PPP2R2B: variants seen among roughly 807,000 people sequenced by gnomAD.
The protein encoded by PPP2R2B is serine/threonine-protein phosphatase 2A 55 kDa regulatory subunit B beta isoform.
A neutral mutation model predicts 46.0 loss-of-function variants in PPP2R2B; 5 were observed. That is an observed-to-expected ratio of 0.11 (90% CI 0.06 to 0.23). The LOEUF is 0.23. PPP2R2B is among the 10% of genes least tolerant of loss of function. The pLI, the probability that PPP2R2B is intolerant of heterozygous loss-of-function variation, is 1.00. For missense variants in PPP2R2B, 367 were observed against 575.0 expected, an observed-to-expected ratio of 0.64 and a Z score of 3.70; for synonymous variants, 215 against 206.7, an observed-to-expected ratio of 1.04 and a Z score of -0.34.
At chr5:147,006,272 A>G (rs4705457) in intron 1 of PPP2R2B, among the ~76,000 whole-genome samples, 72,928 of 152,018 alleles carry the variant, frequency 0.48, 18,936 homozygotes, top group Middle Eastern at 0.61. Flanking sequence ...CATTCAGCCA[A>G]ATCTTAAAGT....
intron 2 of PPP2R2B, chr5:146,707,284 C>G: frequency 1.3e-6 from 2 of 1,558,186 alleles, no homozygotes; most frequent in South Asian, 1.1e-5. Flanking sequence ...CTCCAGGAAC[C>G]GTACCTTGTC....
At chr5:146,667,233 A>G (rs1421168293) in intron 5 of PPP2R2B, among the ~76,000 whole-genome samples, 2 of 152,106 alleles carry the variant, frequency 1.3e-5, no homozygotes, top group African/African-American at 4.8e-5. Context: ...TAGTGATTCT[A>G]GAAAATAAAT....
rs181068062 is a variant in PPP2R2B at position 146,998,405 on chromosome 5, A to G, written c.79+57260T>C. Among the ~76,000 whole-genome samples the G allele has an allele frequency of 9.3e-4, 141 of 152,316 alleles. 1 individual carries two copies. The highest frequency in any genetic ancestry group is 3.1e-3 in the African/African-American group (129 of 41,576). On this transcript the variant is annotated intron_variant, in intron 1 of 8. Coordinates refer to the PPP2R2B transcript ENST00000336640. ...TTGAGTCGGACAATCTGGGAAGCCT[A>G]TGAAATTGCCAGCCCAGGAAGTGGG...
At chr5:146,716,897 T>C (rs1300933597) in intron 2 of PPP2R2B, among the ~76,000 whole-genome samples, 1 of 152,196 alleles carries the variant, frequency 6.6e-6, no homozygotes, top group East Asian at 1.9e-4. Flanking sequence ...GTGTTATCTG[T>C]TTAACTAGAT....
intron 1 of PPP2R2B, among the ~76,000 whole-genome samples, chr5:146,987,980 C>G (rs1753507605): frequency 6.6e-6 from 1 of 151,776 alleles, no homozygotes; most frequent in Non-Finnish European, 1.5e-5. Flanking sequence ...ATACTTATAT[C>G]AGATAAAATA....
chr5:146,965,862 G>A (rs752873730), intron 1 of PPP2R2B, among the ~76,000 whole-genome samples: 3 of 152,182 alleles, frequency 2.0e-5, no homozygotes, highest in African/African-American at 4.8e-5. Flanking sequence ...TTACTTACCA[G>A]CTGTGCATCC....
intron 1 of PPP2R2B, among the ~76,000 whole-genome samples, chr5:146,904,372 G>A (rs1293841074): frequency 6.6e-6 from 1 of 152,152 alleles, no homozygotes; most frequent in Non-Finnish European, 1.5e-5. Context: ...TGACCAAGTG[G>A]CAGAAAGTAG....
intron 5 of PPP2R2B, among the ~76,000 whole-genome samples, chr5:146,659,655 C>A (rs1776560818): frequency 6.6e-6 from 1 of 152,162 alleles, no homozygotes; most frequent in Non-Finnish European, 1.5e-5. Flanking sequence ...GTTATTGAAT[C>A]TTCACAATGG....
chr5:146,852,541 C>T (rs1188565007), intron 2 of PPP2R2B, among the ~76,000 whole-genome samples: 1 of 152,136 alleles, frequency 6.6e-6, no homozygotes, highest in East Asian at 1.9e-4. Flanking sequence ...TAGAATCGAA[C>T]TATGATGCAG....
At chr5:146,718,823 G>T (rs1008547297) in intron 2 of PPP2R2B, among the ~76,000 whole-genome samples, 1 of 152,180 alleles carries the variant, frequency 6.6e-6, no homozygotes, top group African/African-American at 2.4e-5. Flanking sequence ...CCTGAGAAGG[G>T]ATTTCTGGAT....
At chr5:147,000,409 C>G (rs1754116951) in intron 1 of PPP2R2B, among the ~76,000 whole-genome samples, 1 of 152,134 alleles carries the variant, frequency 6.6e-6, no homozygotes, top group South Asian at 2.1e-4. Context: ...CGGAGCCAAG[C>G]TCCCTTGTTC....
chr5:146,949,397 A>G (rs1026675941), intron 1 of PPP2R2B, among the ~76,000 whole-genome samples: 2 of 152,108 alleles, frequency 1.3e-5, no homozygotes, highest in African/African-American at 4.8e-5. Flanking sequence ...AGGCATATAT[A>G]AAAGTGCTCA....
At chr5:146,918,110 A>G (rs1038665167) in intron 1 of PPP2R2B, among the ~76,000 whole-genome samples, 63 of 152,320 alleles carry the variant, frequency 4.1e-4, no homozygotes, top group African/African-American at 1.5e-3. Context: ...AGGCTCAAGC[A>G]AAGAATCCAT....
chr5:146,725,625 T>C (rs961560920), intron 2 of PPP2R2B, among the ~76,000 whole-genome samples: 1 of 152,216 alleles, frequency 6.6e-6, no homozygotes, highest in Non-Finnish European at 1.5e-5. Context: ...ATATATCATA[T>C]AGAACAAAGA....
intron 2 of PPP2R2B, among the ~76,000 whole-genome samples, chr5:146,849,167 A>G (rs1760190717): frequency 6.6e-6 from 1 of 152,176 alleles, no homozygotes; most frequent in Admixed American, 6.5e-5. Context: ...TGGTTTTAGA[A>G]ATCAAGATCT....
chr5:146,881,333 T>C (rs167635), upstream of PPP2R2B, among the ~76,000 whole-genome samples: 74,075 of 152,064 alleles, frequency 0.49, 19,782 homozygotes, highest in East Asian at 0.72. Context: ...TTTCATGTCC[T>C]ACAGCGTTTT....
intron 6 of PPP2R2B, among the ~76,000 whole-genome samples, chr5:146,647,979 A>G (rs1775697812): frequency 6.6e-6 from 1 of 152,156 alleles, no homozygotes; most frequent in African/African-American, 2.4e-5. Context: ...AATTGCCACT[A>G]TCTGATTAAA....
chr5:146,888,388 G>A (rs1762394369), intron 1 of PPP2R2B, among the ~76,000 whole-genome samples: 1 of 151,790 alleles, frequency 6.6e-6, no homozygotes, highest in South Asian at 2.1e-4. Context: ...CTCTAACTTT[G>A]AAATATGTCC....
chr5:146,766,781 C>A (rs1311056838), intron 2 of PPP2R2B, among the ~76,000 whole-genome samples: 3 of 151,992 alleles, frequency 2.0e-5, no homozygotes, highest in Admixed American at 1.3e-4. Context: ...AGGTGGGGCA[C>A]GGTGGCTCAT....
Sources: allele counts gnomAD v4.1 joint callset (sites outside exome capture counted in the v4.1 genomes callset), GRCh38; gene constraint gnomAD v4.1.1; transcripts MANE v1.5; gene names NCBI Gene and HGNC (gene_info 2026-07-23, HGNC 2026-07-21).